FNDC3A: variants seen among roughly 807,000 people sequenced by gnomAD.
FNDC3A encodes the protein fibronectin type-III domain-containing protein 3A.
Under a neutral mutation model 148.9 loss-of-function variants are expected in FNDC3A, and 32 were observed. The observed-to-expected ratio is 0.21, with a 90% confidence interval of 0.16 to 0.29. The LOEUF is 0.29. Ranked by LOEUF, FNDC3A falls within the 10% of genes least tolerant of loss-of-function variation. The pLI is 1.00. For synonymous variants in FNDC3A, 472 were observed against 473.6 expected (o/e 1.00, Z 0.04); for missense variants, 1,191 against 1,452.8 (o/e 0.82, Z 2.93).
At chr13:49,062,879 T>A (rs1377611510) in intron 2 of FNDC3A, among the ~76,000 whole-genome samples, 2 of 152,348 alleles carry the variant, frequency 1.3e-5, no homozygotes, top group East Asian at 3.9e-4. Context: ...GGTAGCTGTT[T>A]AAGAAAAGAT....
intron 23 of FNDC3A, among the ~76,000 whole-genome samples, 189 bp from the exon 24 acceptor site, chr13:49,201,611 C>G (rs1455602842): frequency 6.6e-6 from 1 of 152,058 alleles, no homozygotes; most frequent in African/African-American, 2.4e-5. Context: ...ACCAAATATC[C>G]TATTTTTCTT....
intron 16 of FNDC3A, among the ~76,000 whole-genome samples, chr13:49,188,160 T>G (rs1885684492): frequency 6.6e-6 from 1 of 152,244 alleles, no homozygotes; most frequent in South Asian, 2.1e-4. Context: ...TGTCTTTTAA[T>G]TAGGACTAGA....
intron 4 of FNDC3A, among the ~76,000 whole-genome samples, chr13:49,126,984 G>A (rs546397718): frequency 6.6e-6 from 1 of 152,242 alleles, no homozygotes; most frequent in South Asian, 2.1e-4. Flanking sequence ...CAGTCAAACG[G>A]TATCTTCCAC....
chr13:49,162,463 C>G (rs1884200764), intron 8 of FNDC3A, among the ~76,000 whole-genome samples: 2 of 152,176 alleles, frequency 1.3e-5, no homozygotes, highest in Non-Finnish European at 2.9e-5. Context: ...TCCATCAGAT[C>G]ATTTAAGGTC....
chr13:49,121,250 G>T (rs1158826350), intron 4 of FNDC3A, among the ~76,000 whole-genome samples: 1 of 152,158 alleles, frequency 6.6e-6, no homozygotes, highest in African/African-American at 2.4e-5. Flanking sequence ...TGAGTACTGG[G>T]TAAATAATGA....
At chr13:49,024,326 A>T (rs1873541821) in intron 2 of FNDC3A, among the ~76,000 whole-genome samples, 1 of 152,046 alleles carries the variant, frequency 6.6e-6, no homozygotes, top group Non-Finnish European at 1.5e-5. Flanking sequence ...GTTTTCCTCA[A>T]ATTATTCCAA....
intron 2 of FNDC3A, among the ~76,000 whole-genome samples, chr13:49,030,206 T>C (rs1874008218): frequency 6.6e-6 from 1 of 152,160 alleles, no homozygotes; most frequent in East Asian, 1.9e-4. Context: ...ATCAACTAAG[T>C]GGGGTTTGTA....
intron 8 of FNDC3A, among the ~76,000 whole-genome samples, chr13:49,153,089 G>A (rs1203864861): frequency 0.015 from 2,305 of 151,166 alleles, 61 homozygotes; most frequent in African/African-American, 0.052. Context: ...CTGAGGAATC[G>A]CCACACTGAC....
chr13:49,132,297 C>T lies in FNDC3A; in HGVS notation c.490+923C>T, dbSNP rs181031397. On this transcript the variant is annotated intron_variant, in intron 5 of 25. Transcript: ENST00000492622. ...AATTCTCAGCCACAGTAATTATTTT[C>T]AAATATTAATCAGACTGTTCTGTTT... Among the ~76,000 whole-genome samples, 145 of 152,284 alleles carry T rather than the reference C, an allele frequency of 9.5e-4. 1 individual carries two copies. Among genetic ancestry groups the T allele is most frequent in the African/African-American group, 3.3e-3 (139 of 41,558 alleles).
At chr13:49,018,146 C>T (rs1872973993) in intron 2 of FNDC3A, among the ~76,000 whole-genome samples, 1 of 151,068 alleles carries the variant, frequency 6.6e-6, no homozygotes, top group African/African-American at 2.4e-5. Context: ...TGAACGTTGG[C>T]CTGTCTTGCT....
chr13:49,121,646 T>TA (rs1881352837), intron 4 of FNDC3A, among the ~76,000 whole-genome samples: 1 of 151,638 alleles, frequency 6.6e-6, no homozygotes, highest in Admixed American at 6.6e-5. Flanking sequence ...ATAGACACAA[T>TA]AAAAAATGAT....
At chr13:49,065,526 G>A (rs368494161) in intron 2 of FNDC3A, among the ~76,000 whole-genome samples, 22 of 152,210 alleles carry the variant, frequency 1.4e-4, no homozygotes, top group Admixed American at 2.6e-4. Context: ...TGCTTATCTT[G>A]TTCACCTATA....
chr13:49,105,505 A>G (rs149638620), intron 3 of FNDC3A, among the ~76,000 whole-genome samples: 98 of 152,328 alleles, frequency 6.4e-4, no homozygotes, highest in African/African-American at 2.0e-3. Context: ...AAGCCTATCT[A>G]CCAAAGACTC....
chr13:49,082,475 G>T (rs1566238421), intron 3 of FNDC3A, among the ~76,000 whole-genome samples: 1 of 152,138 alleles, frequency 6.6e-6, no homozygotes. Flanking sequence ...ACTGTATAGT[G>T]TGTATTAGTT....
At chr13:49,069,658 A>G (rs963342475) in intron 2 of FNDC3A, among the ~76,000 whole-genome samples, 3 of 152,212 alleles carry the variant, frequency 2.0e-5, no homozygotes, top group Admixed American at 6.5e-5. Flanking sequence ...TGCTCAGGTA[A>G]CAGACTAATT....
intron 4 of FNDC3A, among the ~76,000 whole-genome samples, chr13:49,124,026 C>T (rs545841092): frequency 2.9e-4 from 44 of 151,658 alleles, no homozygotes; most frequent in South Asian, 1.5e-3. Context: ...AATCATTGTA[C>T]TAGGACCATG....
chr13:49,023,030 A>G (rs1422168763), intron 2 of FNDC3A, among the ~76,000 whole-genome samples: 1 of 152,052 alleles, frequency 6.6e-6, no homozygotes, highest in Non-Finnish European at 1.5e-5. Context: ...TTAACTTCAC[A>G]CATATTCAGG....
intron 8 of FNDC3A, among the ~76,000 whole-genome samples, chr13:49,161,139 G>C (rs1290957858): frequency 2.0e-5 from 3 of 152,134 alleles, no homozygotes; most frequent in African/African-American, 7.2e-5. Context: ...ATTAGGTCCA[G>C]TTGGTGCAGA....
At chr13:49,109,353 C>A (rs1403486658) in intron 3 of FNDC3A, among the ~76,000 whole-genome samples, 1 of 152,158 alleles carries the variant, frequency 6.6e-6, no homozygotes, top group Non-Finnish European at 1.5e-5. Context: ...GCTAAGACTT[C>A]AGAGAAGAGC....
Sources: allele counts gnomAD v4.1 joint callset (sites outside exome capture counted in the v4.1 genomes callset), GRCh38; gene constraint gnomAD v4.1.1; transcripts MANE v1.5; gene names NCBI Gene and HGNC (gene_info 2026-07-23, HGNC 2026-07-21).